Variants in MRTFB observed in about 807,000 individuals in gnomAD.
The protein encoded by MRTFB is myocardin related transcription factor B.
MRTFB carries 29 observed loss-of-function variants against 104.2 expected under a neutral mutation model. The observed-to-expected ratio is 0.28, with a 90% CI of 0.21 to 0.38. MRTFB has a LOEUF of 0.38. MRTFB is among the 10% of genes least tolerant of loss of function. MRTFB has a pLI of 1.00. For missense variants in MRTFB, 1,270 were observed against 1,341.6 expected, an observed-to-expected ratio of 0.95 and a Z score of 0.83; for synonymous variants, 535 against 519.5, an observed-to-expected ratio of 1.03 and a Z score of -0.41.
At chr16:14,245,338 G>T (rs554795281) in intron 10 of MRTFB, among the ~76,000 whole-genome samples, 190 bp from the exon 11 acceptor site, 2 of 152,052 alleles carry the variant, frequency 1.3e-5, no homozygotes, top group Non-Finnish European at 2.9e-5. Flanking sequence ...TTTCCGTCAC[G>T]CTAGCAAACA....
intron 3 of MRTFB, chr16:14,200,409 C>A: frequency 1.9e-6 from 3 of 1,607,870 alleles, no homozygotes; most frequent in Non-Finnish European, 2.6e-6. Flanking sequence ...CTGTTTGATG[C>A]GGAAGAGGAG....
chr16:14,227,963 A>AAAAAAG, intron 8 of MRTFB, among the ~76,000 whole-genome samples: 1 of 152,254 alleles, frequency 6.6e-6, no homozygotes, highest in African/African-American at 2.4e-5. Context: ...AAAAAAAAAA[A>AAAAAAG]AAAACAGGCA....
At chr16:14,222,023 G>A (rs2041745696) in intron 8 of MRTFB, among the ~76,000 whole-genome samples, 1 of 152,026 alleles carries the variant, frequency 6.6e-6, no homozygotes, top group Non-Finnish European at 1.5e-5. Context: ...CAGGTGATCT[G>A]CCCACCTCGC....
chr16:14,260,893 C>T lies in MRTFB; in HGVS notation c.2765-16C>T. Reference sequence around the variant, plus strand: ...GTAAATCTTCAGTTACTAATTACTTCATTTATTTTACACAGAGATCTCCCT... The same window carrying T: ...GTAAATCTTCAGTTACTAATTACTTTATTTATTTTACACAGAGATCTCCCT... On this transcript the variant is annotated splice_polypyrimidine_tract_variant and intron_variant, in intron 16 of 16. Transcript: ENST00000571589. 3 of 1,567,268 alleles carry T rather than the reference C, an allele frequency of 1.9e-6. No individual in the cohort carries two copies. Among genetic ancestry groups the T allele is most frequent in the Non-Finnish European group, 2.6e-6 (3 of 1,159,320 alleles).
chr16:14,023,610 C>CATATACATATACATATACAT, the MRTFB span, among the ~76,000 whole-genome samples: 93 of 106,974 alleles, frequency 8.7e-4, 1 homozygote, highest in African/African-American at 3.0e-3. Context: ...CACACACACA[C>CATATACATATACATATACAT]ATACATATAC....
chr16:14,078,527 T>C (rs1010888595), intron 1 of MRTFB, among the ~76,000 whole-genome samples: 4 of 151,530 alleles, frequency 2.6e-5, no homozygotes, highest in Admixed American at 6.6e-5. Context: ...ACTCCTAGGC[T>C]CAATCAATCA....
At chr16:14,014,222 T>G in the MRTFB span, among the ~76,000 whole-genome samples, 1 of 152,154 alleles carries the variant, frequency 6.6e-6, no homozygotes, top group African/African-American at 2.4e-5. Flanking sequence ...AGTGACAGTC[T>G]TCTTGCAATC....
At position 14,258,114 on chromosome 16, in the gene MRTFB, A is replaced by G. The variant is rs761060291; in HGVS notation, c.2717A>G (p.His906Arg). The change falls in exon 16 of 17, where the codon CAC (histidine) becomes CGC (arginine). Residue 906 changes from histidine to arginine, a missense_variant. His to Arg is a conservative substitution (Grantham distance 29). Around this residue, in one of 3 missense-constraint regions of MRTFB, gnomAD observed 1,144 missense variants for 1,131.5 expected, o/e 1.01. Transcript: ENST00000571589. ...QAPLPEISNA[H>R]SQQMDDLFDI... is the part of the protein sequence containing the mutation. ...CCTTCATTGTAGATTTCCAACGCTCACAGTCAGCAGATGGATGACCTCTTT... is the reference window on the plus strand; with the variant it reads ...CCTTCATTGTAGATTTCCAACGCTCGCAGTCAGCAGATGGATGACCTCTTT... 3.1e-6 allele frequency: 5 copies of G among 1,613,984 alleles called. No individual in the cohort carries two copies. The Admixed American group carries it at 8.3e-5, about 27-fold the overall frequency.
At chr16:14,240,984 C>T in intron 10 of MRTFB, 1 of 506,604 alleles carries the variant, frequency 2.0e-6, no homozygotes, top group Non-Finnish European at 3.4e-6. Flanking sequence ...AGTAGTGCCT[C>T]TTCATTGGAA....
intron 8 of MRTFB, among the ~76,000 whole-genome samples, chr16:14,230,499 A>C (rs1349161156): frequency 1.3e-5 from 2 of 152,190 alleles, no homozygotes; most frequent in African/African-American, 4.8e-5. Context: ...TCTCAAAAGA[A>C]GACATTTATG....
intron 2 of MRTFB, among the ~76,000 whole-genome samples, chr16:14,139,800 C>G (rs931216884): frequency 6.6e-6 from 1 of 152,194 alleles, no homozygotes; most frequent in African/African-American, 2.4e-5. Context: ...AAGCAGACAA[C>G]AAAGAATTTT....
At chr16:14,204,085 C>A (rs932367895) in intron 3 of MRTFB, among the ~76,000 whole-genome samples, 4 of 152,104 alleles carry the variant, frequency 2.6e-5, no homozygotes, top group African/African-American at 9.7e-5. Flanking sequence ...ACCTCAGAGC[C>A]TCCCAAGTAG....
intron 8 of MRTFB, among the ~76,000 whole-genome samples, chr16:14,233,469 C>T (rs1249500570): frequency 1.3e-5 from 2 of 151,958 alleles, no homozygotes; most frequent in African/African-American, 4.8e-5. Flanking sequence ...GTCAGCATGA[C>T]CTGTATAGCA....
chr16:14,224,285 AG>A (rs66492434), intron 8 of MRTFB, among the ~76,000 whole-genome samples: 8,504 of 152,278 alleles, frequency 0.056, 746 homozygotes, highest in African/African-American at 0.18. Flanking sequence ...ATTGTTTGAC[AG>A]TTTTGTTGTT....
At chr16:14,259,977 A>G (rs2043696453) in intron 16 of MRTFB, among the ~76,000 whole-genome samples, 1 of 152,218 alleles carries the variant, frequency 6.6e-6, no homozygotes, top group African/African-American at 2.4e-5. Flanking sequence ...GGTATTGTTA[A>G]TTTATTTTTC....
chr16:14,235,070 A>G (rs2042434845), intron 9 of MRTFB, among the ~76,000 whole-genome samples: 1 of 152,196 alleles, frequency 6.6e-6, no homozygotes, highest in African/African-American at 2.4e-5. Context: ...TGACAAAGCC[A>G]GGAAGGGTCC....
the MRTFB span, among the ~76,000 whole-genome samples, chr16:14,025,500 G>T: frequency 6.6e-6 from 1 of 152,170 alleles, no homozygotes; most frequent in Non-Finnish European, 1.5e-5. Flanking sequence ...TTAGGTATTA[G>T]AGAATAAATG....
At chr16:14,209,961 CT>C (rs1292058373) in intron 3 of MRTFB, among the ~76,000 whole-genome samples, 1 of 152,144 alleles carries the variant, frequency 6.6e-6, no homozygotes, top group East Asian at 1.9e-4. Context: ...TTTTTATTTT[CT>C]TGAGTACTAT....
At chr16:14,047,251 A>G in the MRTFB span, among the ~76,000 whole-genome samples, 4 of 152,228 alleles carry the variant, frequency 2.6e-5, no homozygotes, top group African/African-American at 9.6e-5. Flanking sequence ...AAATGAGAGC[A>G]TGCTGGTGCT....
Sources: gnomAD v4.1 joint callset for allele counts (sites outside exome capture counted in the v4.1 genomes callset) on GRCh38, gnomAD v4.1.1 for gene constraint, gnomAD v4.1.1 regional missense constraint, MANE v1.5 for transcripts, NCBI Gene and HGNC (gene_info 2026-07-23, HGNC 2026-07-21) for gene names.